Variants in ZMYND8 observed in about 807,000 individuals in gnomAD.
ZMYND8 encodes the protein MYND-type zinc finger-containing chromatin reader ZMYND8.
Under a neutral mutation model 140.8 loss-of-function variants are expected in ZMYND8, and 37 were observed. The ratio of observed to expected loss-of-function variants is 0.26; its 90% confidence interval spans 0.20 to 0.35. The LOEUF is 0.35. Ranked by LOEUF, ZMYND8 falls within the 10% of genes least tolerant of loss-of-function variation. The probability of loss-of-function intolerance (pLI) is 1.00; values close to 1 mark genes in which losing one functional copy is unlikely to be tolerated. For synonymous variants in ZMYND8, 592 were observed against 597.1 expected (o/e 0.99, Z 0.12); for missense variants, 1,068 against 1,570.0 (o/e 0.68, Z 5.40).
At chr20:47,305,068 T>C (rs1453983458) in intron 3 of ZMYND8, among the ~76,000 whole-genome samples, 5 of 150,676 alleles carry the variant, frequency 3.3e-5, no homozygotes, top group African/African-American at 1.2e-4. Context: ...CAAGACCCTA[T>C]CTCTACAAAA....
chr20:47,271,399 T>C (rs576201268), intron 11 of ZMYND8, among the ~76,000 whole-genome samples: 7 of 152,342 alleles, frequency 4.6e-5, no homozygotes, highest in Admixed American at 3.9e-4. Flanking sequence ...ACCTCTAGCA[T>C]GCACTATGTA....
At chr20:47,339,790 T>C (rs1002403674) in intron 2 of ZMYND8, among the ~76,000 whole-genome samples, 2 of 152,150 alleles carry the variant, frequency 1.3e-5, no homozygotes, top group Non-Finnish European at 2.9e-5. Context: ...CCAAGAACCA[T>C]TCTGAGCATT....
chr20:47,323,484 T>C (rs2080144883), intron 2 of ZMYND8, among the ~76,000 whole-genome samples: 2 of 152,080 alleles, frequency 1.3e-5, no homozygotes. Flanking sequence ...CCTCAGCCTC[T>C]CAAAGTACTA....
Position 47,246,581 on chromosome 20 carries a change from G to A in ZMYND8, c.1775-64C>T. ...CAAAATAAAGAGCAGGATGAAAAATGCAAACATTTTTCCACACCAAATGCT... is the reference window on the plus strand; with the variant it reads ...CAAAATAAAGAGCAGGATGAAAAATACAAACATTTTTCCACACCAAATGCT... On this transcript the variant is annotated intron_variant, in intron 13 of 22. Coordinates refer to ENST00000471951, the MANE Select transcript of ZMYND8 (RefSeq NM_001281775.3). 2.0e-6 allele frequency: 3 copies of A among 1,509,830 alleles called. No homozygotes were observed. In the South Asian group the frequency reaches 4.0e-5, roughly 20 times the overall value. The allele number at this position is 1,509,830 out of a possible 1,614,324, so 93.5% of individuals were successfully genotyped here.
intron 18 of ZMYND8, 106 bp from the exon 19 acceptor site, chr20:47,224,662 G>C: frequency 6.4e-7 from 1 of 1,554,606 alleles, no homozygotes; most frequent in Non-Finnish European, 8.7e-7. Flanking sequence ...GACCTGGCTG[G>C]GAGAAGCCCT....
chr20:47,296,258 C>A (rs1009984265), intron 4 of ZMYND8, among the ~76,000 whole-genome samples: 1 of 152,132 alleles, frequency 6.6e-6, no homozygotes, highest in Non-Finnish European at 1.5e-5. Flanking sequence ...TTCCCTCTCA[C>A]CCCCCACTCC....
At chr20:47,316,103 T>C (rs972291985) in intron 2 of ZMYND8, among the ~76,000 whole-genome samples, 1 of 151,292 alleles carries the variant, frequency 6.6e-6, no homozygotes, top group South Asian at 2.1e-4. Flanking sequence ...GAGGCCAAGG[T>C]GGGCAGATCA....
At chr20:47,252,171 G>A (rs1304866192) in intron 12 of ZMYND8, among the ~76,000 whole-genome samples, 2 of 151,508 alleles carry the variant, frequency 1.3e-5, no homozygotes, top group African/African-American at 4.8e-5. Context: ...GTGGGTGCCT[G>A]TAATCCCCGG....
chr20:47,345,448 G>A (rs917217823), intron 2 of ZMYND8, among the ~76,000 whole-genome samples: 4 of 151,918 alleles, frequency 2.6e-5, no homozygotes, highest in Non-Finnish European at 5.9e-5. Flanking sequence ...AGACCTGAGT[G>A]GAAGGGTACT....
chr20:47,281,115 T>C (rs1445590499), intron 10 of ZMYND8, among the ~76,000 whole-genome samples: 1 of 152,238 alleles, frequency 6.6e-6, no homozygotes, highest in Non-Finnish European at 1.5e-5. Context: ...TTTCTTTGAA[T>C]GAAGGAATAC....
chr20:47,347,940 A>G lies in ZMYND8; in HGVS notation c.15-14T>C. ...TCTTCAGCCAAGCTGAAACAGAGCAAATTATGTTCATGTTTAGGAAGGCTG... is the reference window on the plus strand; with the variant it reads ...TCTTCAGCCAAGCTGAAACAGAGCAGATTATGTTCATGTTTAGGAAGGCTG... On this transcript the variant is annotated splice_polypyrimidine_tract_variant and intron_variant, in intron 1 of 22. Coordinates refer to ENST00000471951, the MANE Select transcript of ZMYND8 (RefSeq NM_001281775.3). 6.2e-7 allele frequency: 1 copy of G among 1,613,430 alleles called. No homozygotes were observed. Among genetic ancestry groups the G allele is most frequent in the Non-Finnish European group, 8.5e-7 (1 of 1,179,892 alleles).
intron 2 of ZMYND8, among the ~76,000 whole-genome samples, chr20:47,347,040 C>T (rs1183329867): frequency 2.0e-4 from 30 of 152,202 alleles, no homozygotes; most frequent in Non-Finnish European, 5.9e-5. Flanking sequence ...CCTCTTCCTC[C>T]CTCCCCATAA....
chr20:47,305,155 G>A (rs2078378869), intron 3 of ZMYND8, among the ~76,000 whole-genome samples: 1 of 151,736 alleles, frequency 6.6e-6, no homozygotes, highest in Non-Finnish European at 1.5e-5. Flanking sequence ...GAGGTGGGAG[G>A]ATCACTTGAG....
intron 2 of ZMYND8, chr20:47,319,203 A>G (rs1423595740): frequency 2.5e-6 from 1 of 398,176 alleles, no homozygotes; most frequent in Non-Finnish European, 4.8e-6. Context: ...AAACCCAGCG[A>G]CTTGCCTTCA....
Position 47,246,339 on chromosome 20 carries a change from A to G in ZMYND8, c.1953T>C (p.Ala651=), listed in dbSNP as rs1211673288. ...EGCQMDKEPS[A]VKKKPKPTNP... is the part of the protein sequence containing the mutation. ...TTGTAGGCTTGGGCTTTTTTTTAAC[A>G]GCAGATGGCTCTTTGTCCATCTGAC... The change falls in exon 14 of 23, where the codon GCT becomes GCC. Residue 651 remains alanine (A), a synonymous_variant. Transcript: ENST00000471951. 13 of 1,613,938 alleles carry G rather than the reference A, an allele frequency of 8.1e-6. 1 individual carries two copies. In the South Asian group the frequency reaches 1.4e-4, roughly 18 times the overall value.
intron 16 of ZMYND8, 130 bp downstream of exon 16, chr20:47,236,196 T>C (rs2039209507): frequency 9.0e-7 from 1 of 1,105,576 alleles, no homozygotes; most frequent in African/African-American, 1.6e-5. Context: ...AGATTCTGTT[T>C]TTAAAAAAAA....
chr20:47,224,089 T>C (rs1413014140), intron 19 of ZMYND8, among the ~76,000 whole-genome samples: 2 of 152,162 alleles, frequency 1.3e-5, no homozygotes, highest in Non-Finnish European at 1.5e-5. Context: ...TGAGAAGAGA[T>C]CAAGGGTTCT....
chr20:47,346,880 C>T (rs555587499), intron 2 of ZMYND8, among the ~76,000 whole-genome samples: 131 of 152,362 alleles, frequency 8.6e-4, no homozygotes, highest in African/African-American at 2.9e-3. Flanking sequence ...GCTGGGATTA[C>T]AGGCATGAGC....
At chr20:47,255,740 ATATATATATATATATATATATATACGG>A (rs1239675653) in intron 12 of ZMYND8, among the ~76,000 whole-genome samples, 15 of 34,874 alleles carry the variant, frequency 4.3e-4, no homozygotes, top group African/African-American at 1.9e-3. Flanking sequence ...ATATATATAT[ATATATATATATATATATATATATACGG>A]TATATATATA....
Sources: gnomAD v4.1 joint callset for allele counts (sites outside exome capture counted in the v4.1 genomes callset) on GRCh38, gnomAD v4.1.1 for gene constraint, MANE v1.5 for transcripts, NCBI Gene and HGNC (gene_info 2026-07-23, HGNC 2026-07-21) for gene names.